The following PHRF1 variants were observed in gnomAD, a reference collection of about 807,000 sequenced individuals.
PHRF1 encodes the protein PHD and ring finger domains 1.
Under a neutral mutation model 128.9 loss-of-function variants are expected in PHRF1, and 53 were observed. That is an observed-to-expected ratio of 0.41 (90% CI 0.33 to 0.52). The LOEUF (loss-of-function observed/expected upper bound fraction) is 0.52, where lower values mean the gene tolerates loss of function less well. Among genes scored for constraint, PHRF1 ranks in the 20% least tolerant of loss-of-function variants. The pLI is 0.21. For synonymous variants in PHRF1, 1,178 were observed against 980.6 expected (o/e 1.20, Z -3.76); for missense variants, 2,503 against 2,284.5 (o/e 1.10, Z -1.95).
At chr11:578,354 G>C (rs927155545) in intron 1 of PHRF1, among the ~76,000 whole-genome samples, 2 of 152,222 alleles carry the variant, frequency 1.3e-5, no homozygotes, top group African/African-American at 4.8e-5. Context: ...TGGTGGAGGA[G>C]TGTAAGAGGC....
chr11:582,836 G>A (rs1364073918), intron 3 of PHRF1, among the ~76,000 whole-genome samples: 2 of 151,066 alleles, frequency 1.3e-5, no homozygotes, highest in Admixed American at 6.6e-5. Flanking sequence ...TTTTCAAGAC[G>A]AGCCTGGCCA....
intron 6 of PHRF1, among the ~76,000 whole-genome samples, chr11:596,672 G>T (rs3740648): frequency 0.069 from 10,515 of 152,278 alleles, 516 homozygotes; most frequent in Admixed American, 0.17. Flanking sequence ...CCGCCTCCCC[G>T]CTGTGACCTC....
In PHRF1 at chr11:611,141, G is replaced by GT. The variant is rs762311234; in HGVS notation, c.4806+60dup. 42 of 1,599,676 alleles carry GT rather than the reference G, an allele frequency of 2.6e-5. 1 individual carries two copies. The East Asian group carries it at 5.4e-4, about 21-fold the overall frequency. The stretch of plus-strand genomic sequence containing the variant: ...GGGTCACGGGCGGTACGTCGCTGCT[G>GT]TCTCGTCAGCATGGACTTTGGGGTG... On this transcript the variant is annotated intron_variant, in intron 17 of 17. Coordinates refer to ENST00000264555, the MANE Select transcript of PHRF1 (RefSeq NM_001286581.2).
chr11:585,790 C>T (rs992339044), intron 3 of PHRF1, among the ~76,000 whole-genome samples: 1 of 151,090 alleles, frequency 6.6e-6, no homozygotes, highest in Non-Finnish European at 1.5e-5. Context: ...ACGCCATTCT[C>T]CTGCCTCAGC....
At chr11:610,891 T>C in intron 16 of PHRF1, 63 bp from the exon 17 acceptor site, 1 of 1,595,802 alleles carries the variant, frequency 6.3e-7, no homozygotes, top group Non-Finnish European at 8.6e-7. Flanking sequence ...AGAACCACAG[T>C]GCCTCTGGCC....
At chr11:602,408 C>T (rs1329350105) in intron 10 of PHRF1, among the ~76,000 whole-genome samples, 3 of 152,074 alleles carry the variant, frequency 2.0e-5, no homozygotes, top group African/African-American at 4.8e-5. Flanking sequence ...CGGCCGAGCG[C>T]GGTGGCTCAC....
chr11:592,239 C>G (rs532476019), intron 5 of PHRF1, among the ~76,000 whole-genome samples: 3 of 147,278 alleles, frequency 2.0e-5, no homozygotes, highest in Admixed American at 6.8e-5. Context: ...TTTTAAGAGG[C>G]AGATCTTGCT....
At chr11:606,617 G>T (rs1404918294) in intron 13 of PHRF1, 21 bp downstream of exon 13, 3 of 1,581,498 alleles carry the variant, frequency 1.9e-6, no homozygotes, top group East Asian at 2.3e-5. Context: ...TCCCTGCCAC[G>T]GCCCCTTCCT....
intron 10 of PHRF1, among the ~76,000 whole-genome samples, chr11:603,602 T>G (rs1018234222): frequency 8.5e-5 from 13 of 152,182 alleles, no homozygotes; most frequent in Non-Finnish European, 1.8e-4. Context: ...CCCAAAGTGC[T>G]GGGATTACAG....
intron 2 of PHRF1, 140 bp downstream of exon 2, chr11:581,746 GTGTAT>G: frequency 9.7e-7 from 1 of 1,028,984 alleles, no homozygotes; most frequent in Non-Finnish European, 1.4e-6. Context: ...TGCGGAAGTA[GTGTAT>G]TGTTTTGTTT....
At chr11:589,996 G>A (rs915036383) in intron 4 of PHRF1, among the ~76,000 whole-genome samples, 2 of 151,432 alleles carry the variant, frequency 1.3e-5, no homozygotes, top group Non-Finnish European at 1.5e-5. Flanking sequence ...GAGCGTGTGG[G>A]GCTCAGCCTC....
chr11:610,945 C>G lies in PHRF1; in HGVS notation c.4678-9C>G, dbSNP rs184108923. The G allele has an allele frequency of 1.6e-5, 25 of 1,612,378 alleles. No homozygotes were observed. Among genetic ancestry groups the G allele is most frequent in the Non-Finnish European group, 2.0e-5 (24 of 1,179,508 alleles). On this transcript the variant is annotated splice_polypyrimidine_tract_variant and intron_variant, in intron 16 of 17. Coordinates refer to ENST00000264555, the MANE Select transcript of PHRF1 (RefSeq NM_001286581.2). Reference sequence around the variant, plus strand: ...CTTCCTGGCCGCATCACACACATGTCCCCTCTAGTACATGAAGAAGCTGCA... The same window carrying G: ...CTTCCTGGCCGCATCACACACATGTGCCCTCTAGTACATGAAGAAGCTGCA...
At position 600,491 on chromosome 11, in the gene PHRF1, A is replaced by AAAATAAATAAAT. The variant is rs58696156; in HGVS notation, c.1025-1078_1025-1077insAATAAATAAATA. On this transcript the variant is annotated intron_variant, in intron 9 of 17. Transcript: ENST00000264555. Reference sequence around the variant, plus strand: ...GTGACAGAGTGAGACTCTGTCTCCAAAAATATATATATATATATATATATA... The same window carrying AAAATAAATAAAT: ...GTGACAGAGTGAGACTCTGTCTCCAAAAATAAATAAATAAATATATATATATATATATATATA... Among the ~76,000 whole-genome samples the AAAATAAATAAAT allele has an allele frequency of 7.5e-3, 556 of 73,924 alleles. 11 individuals carry two copies. Among genetic ancestry groups the AAAATAAATAAAT allele is most frequent in the African/African-American group, 0.025 (538 of 21,494 alleles). 48.5% of individuals were successfully genotyped at this position (73,924 alleles called of 152,430 possible).
At position 593,219 on chromosome 11, in the gene PHRF1, G is replaced by A. The variant is rs114849320; in HGVS notation, c.620+545G>A. 2.0e-3 allele frequency among the ~76,000 whole-genome samples: 301 copies of A among 152,354 alleles called. 3 individuals are homozygous for A. The highest frequency in any genetic ancestry group is 6.9e-3 in the African/African-American group (285 of 41,580). ...TTTGTGTCGTTGGCTGTAAGCAGAT[G>A]CCCCCTTCCCCGTTAGCCTCCTGCG... On this transcript the variant is annotated intron_variant, in intron 6 of 17. Transcript: ENST00000264555.
At chr11:581,881 CTA>C (rs1854225072) in intron 2 of PHRF1, 79 bp from the exon 3 acceptor site, 1 of 1,477,784 alleles carries the variant, frequency 6.8e-7, no homozygotes, top group Non-Finnish European at 9.0e-7. Context: ...CCTGACGCCT[CTA>C]TGCCTGTGCA....
chr11:587,304 C>A lies in PHRF1; in HGVS notation c.260C>A (p.Ala87Glu), dbSNP rs566767012. The A allele has an allele frequency of 6.2e-7, 1 of 1,613,620 alleles. No homozygotes were observed. The highest frequency in any genetic ancestry group is 8.5e-7 in the Non-Finnish European group (1 of 1,179,882). The change falls in exon 4 of 18, where the codon GCG (alanine) becomes GAG (glutamate). Residue 87 changes from alanine to glutamate, a missense_variant. By Grantham distance (107) the Ala-to-Glu change is moderately radical (BLOSUM62 -1). Transcript: ENST00000264555. The stretch of plus-strand genomic sequence containing the variant: ...GACGGGGAGACATTGCTGGAGGTAG[C>A]GGGTACTCAGGGGAAACTGGAAGCC... ...EDDGETLLEV[A>E]GTQGKLEAAG...
Position 609,404 on chromosome 11 carries a change from G to A in PHRF1, c.3948G>A (p.Val1316=), listed in dbSNP as rs571366320. Residue 1316 remains valine, a synonymous_variant, in exon 14 of 18, where the codon GTG becomes GTA. Coordinates refer to ENST00000264555, the MANE Select transcript of PHRF1 (RefSeq NM_001286581.2). ...KPALPPASLA[V]AAIQREVSLM... The stretch of plus-strand genomic sequence containing the variant: ...CGTTGCCCCCAGCCAGCCTGGCCGT[G>A]GCCGCCATCCAGAGGGAGGTGTCAT... 294 of 1,610,654 alleles carry A rather than the reference G, an allele frequency of 1.8e-4. 1 individual carries two copies. The East Asian group carries it at 3.4e-3, about 19-fold the overall frequency.
chr11:585,120 G>A (rs576674377), intron 3 of PHRF1, among the ~76,000 whole-genome samples: 4 of 152,200 alleles, frequency 2.6e-5, no homozygotes, highest in African/African-American at 7.2e-5. Context: ...TATTCCACGA[G>A]CAACACCCAC....
intron 3 of PHRF1, among the ~76,000 whole-genome samples, chr11:582,835 C>T (rs900811671): frequency 4.6e-5 from 7 of 150,940 alleles, no homozygotes; most frequent in African/African-American, 7.3e-5. Flanking sequence ...TTTTTCAAGA[C>T]GAGCCTGGCC....
Sources: gnomAD v4.1 joint callset for allele counts (sites outside exome capture counted in the v4.1 genomes callset) on GRCh38, gnomAD v4.1.1 for gene constraint, MANE v1.5 for transcripts, NCBI Gene and HGNC (gene_info 2026-07-23, HGNC 2026-07-21) for gene names.